MAST4: variants seen among roughly 807,000 people sequenced by gnomAD.
MAST4 encodes the protein microtubule-associated serine/threonine-protein kinase 4.
In MAST4, 89 loss-of-function variants were observed where a neutral mutation model predicts 162.7. The observed-to-expected ratio is 0.55, with a 90% confidence interval of 0.46 to 0.65. The LOEUF (loss-of-function observed/expected upper bound fraction) is 0.65. MAST4 is among the 30% of genes least tolerant of loss of function. MAST4 has a pLI of 0.00. For synonymous variants in MAST4, 1,479 were observed against 1,361.1 expected (o/e 1.09, Z -1.91); for missense variants, 3,153 against 3,374.0 (o/e 0.93, Z 1.62).
intron 4 of MAST4, among the ~76,000 whole-genome samples, chr5:67,027,713 A>AT (rs992236699): frequency 2.6e-5 from 4 of 152,204 alleles, no homozygotes; most frequent in Admixed American, 6.5e-5. Context: ...TGAAGAAGGA[A>AT]TTTTTTGACT....
chr5:66,993,602 T>C (rs969805628), intron 4 of MAST4, among the ~76,000 whole-genome samples: 17 of 151,978 alleles, frequency 1.1e-4, no homozygotes, highest in African/African-American at 3.9e-4. Context: ...GATGTGCAGG[T>C]TTCCAAGCAG....
At chr5:66,978,720 G>T (rs1456860462) in intron 4 of MAST4, among the ~76,000 whole-genome samples, 1 of 152,216 alleles carries the variant, frequency 6.6e-6, no homozygotes, top group African/African-American at 2.4e-5. Flanking sequence ...TGCTAGGTAA[G>T]CCAGCTTGCC....
chr5:66,867,335 C>T (rs185773755), intron 3 of MAST4, among the ~76,000 whole-genome samples: 67 of 152,226 alleles, frequency 4.4e-4, no homozygotes, highest in African/African-American at 1.0e-3. Flanking sequence ...CATTATTTCA[C>T]GCCTGATACA....
At chr5:66,892,995 G>A (rs1363772434) in intron 3 of MAST4, among the ~76,000 whole-genome samples, 1 of 152,172 alleles carries the variant, frequency 6.6e-6, no homozygotes, top group African/African-American at 2.4e-5. Flanking sequence ...TGTATAAAGG[G>A]CTTATGAGAA....
At chr5:66,776,707 C>G (rs934291925) in intron 2 of MAST4, among the ~76,000 whole-genome samples, 7 of 151,924 alleles carry the variant, frequency 4.6e-5, no homozygotes, top group Non-Finnish European at 8.8e-5. Context: ...AGACTTAAAT[C>G]TGGTTCTGTA....
At chr5:66,973,961 A>G (rs1358604899) in intron 4 of MAST4, among the ~76,000 whole-genome samples, 1 of 152,164 alleles carries the variant, frequency 6.6e-6, no homozygotes, top group African/African-American at 2.4e-5. Flanking sequence ...TTTTAACATG[A>G]TGCAATTAAT....
At chr5:66,661,997 A>G (rs1164852104) in intron 1 of MAST4, among the ~76,000 whole-genome samples, 1 of 152,070 alleles carries the variant, frequency 6.6e-6, no homozygotes, top group East Asian at 1.9e-4. Flanking sequence ...ATTATAGGTG[A>G]TACTTCTTTA....
chr5:67,076,566 C>T lies in MAST4; in HGVS notation c.764-13596C>T, dbSNP rs191373384. On this transcript the variant is annotated intron_variant, in intron 5 of 28. Coordinates refer to ENST00000403625, the MANE Select transcript of MAST4 (RefSeq NM_001164664.2). ...AATCTCAGTATCATTTTTTGTTACA[C>T]CCTCTCTCCCACTTTCCCTCTGAAA... is the stretch of plus-strand genomic sequence containing the variant. Among the ~76,000 whole-genome samples, 3 of 152,226 alleles carry T rather than the reference C, an allele frequency of 2.0e-5. No individual in the cohort carries two copies. In the East Asian group the frequency reaches 5.8e-4, roughly 29 times the overall value.
chr5:67,058,708 C>A (rs1405123338), intron 5 of MAST4, among the ~76,000 whole-genome samples: 1 of 152,056 alleles, frequency 6.6e-6, no homozygotes, highest in East Asian at 1.9e-4. Context: ...AGTGTGTATA[C>A]ACAGATGAAA....
chr5:66,706,070 T>C (rs1014621951), intron 1 of MAST4, among the ~76,000 whole-genome samples: 3 of 152,194 alleles, frequency 2.0e-5, no homozygotes, highest in African/African-American at 7.2e-5. Flanking sequence ...GGAAAAAGAA[T>C]CAATTATGGA....
chr5:66,754,146 G>A (rs1411053411), intron 1 of MAST4, among the ~76,000 whole-genome samples: 4 of 150,044 alleles, frequency 2.7e-5, no homozygotes, highest in Non-Finnish European at 4.5e-5. Flanking sequence ...CTGATGGGAC[G>A]TATCTCAAAA....
chr5:66,658,830 T>C (rs935155162), intron 1 of MAST4, among the ~76,000 whole-genome samples: 1 of 152,068 alleles, frequency 6.6e-6, no homozygotes, highest in Non-Finnish European at 1.5e-5. Flanking sequence ...CAGACTAGCC[T>C]GAGCAACATG....
intron 4 of MAST4, among the ~76,000 whole-genome samples, chr5:67,050,533 T>A (rs1343556524): frequency 6.6e-6 from 1 of 152,226 alleles, no homozygotes; most frequent in East Asian, 1.9e-4. Context: ...AAGGTGCATT[T>A]CTTGTGCTCT....
At chr5:66,721,487 T>C (rs1219773667) in intron 1 of MAST4, among the ~76,000 whole-genome samples, 3 of 150,962 alleles carry the variant, frequency 2.0e-5, no homozygotes, top group Non-Finnish European at 4.4e-5. Context: ...GTTGTCTTCC[T>C]AACTCACTAG....
chr5:66,760,988 G>T (rs764390234), intron 2 of MAST4, among the ~76,000 whole-genome samples: 3 of 152,164 alleles, frequency 2.0e-5, no homozygotes, highest in Non-Finnish European at 4.4e-5. Flanking sequence ...AAAAGAAACT[G>T]CTAAACGGTT....
chr5:67,127,410 C>G (rs1350068340), intron 14 of MAST4, among the ~76,000 whole-genome samples: 1 of 152,082 alleles, frequency 6.6e-6, no homozygotes, highest in Admixed American at 6.6e-5. Context: ...TACGGTCCAT[C>G]AATACCTAGT....
intron 1 of MAST4, among the ~76,000 whole-genome samples, chr5:66,721,397 C>CAAAACAA (rs1372178225): frequency 2.5e-3 from 384 of 152,202 alleles, no homozygotes; most frequent in Middle Eastern, 0.017. Context: ...TCTCAGGCCT[C>CAAAACAA]ATCTGGCATG....
At position 67,164,229 on chromosome 5, in the gene MAST4, G is replaced by A. The variant is rs754204593; in HGVS notation, c.5050G>A (p.Ala1684Thr). 3 of 1,613,794 alleles carry A rather than the reference G, an allele frequency of 1.9e-6. No homozygotes were observed. The East Asian group carries it at 6.7e-5, about 36-fold the overall frequency. Residue 1684 changes from alanine (A) to threonine (T), a missense_variant, in exon 29 of 29, where the codon GCC becomes ACC. By Grantham distance (58) the Ala-to-Thr change is moderately conservative. This residue lies in a region of MAST4 where 1,644 missense variants were observed against 1,495.0 expected (regional missense o/e 1.10). Transcript: ENST00000403625. This position sits in a 1 kb window ranked among gnomAD's most constrained non-coding sequence, Gnocchi z 5.3. ...LRCEKLDSKL[A>T]NIDYLRKKMS... ...ATGTGAAAAGTTAGACAGCAAGCTG[G>A]CCAACATCGATTACCTCCGAAAGAA... is the stretch of plus-strand genomic sequence containing the variant.
At chr5:67,093,593 T>G in intron 6 of MAST4, 1 of 459,458 alleles carries the variant, frequency 2.2e-6, no homozygotes, top group Non-Finnish European at 4.4e-6. Context: ...ACTGAGCACA[T>G]TCTCGTTTAA....
Sources: allele counts gnomAD v4.1 joint callset (sites outside exome capture counted in the v4.1 genomes callset), GRCh38; gene constraint gnomAD v4.1.1; regional missense constraint gnomAD v4.1.1; non-coding constraint Gnocchi (gnomAD v3.1); transcripts MANE v1.5; gene names NCBI Gene and HGNC (gene_info 2026-07-23, HGNC 2026-07-21).